DENND2B: variants seen among roughly 807,000 people sequenced by gnomAD.
DENND2B encodes DENN domain-containing protein 2B.
In DENND2B, 32 loss-of-function variants were observed where a neutral mutation model predicts 116.0. That is an observed-to-expected ratio of 0.28 (90% CI 0.21 to 0.37). The LOEUF (loss-of-function observed/expected upper bound fraction) is 0.37, where lower values mean the gene tolerates loss of function less well. DENND2B is among the 10% of genes least tolerant of loss of function. The pLI is 1.00. For synonymous variants in DENND2B, 588 were observed against 583.9 expected (o/e 1.01, Z -0.10); for missense variants, 1,276 against 1,477.7 (o/e 0.86, Z 2.24).
chr11:8,746,160 T>C (rs1208273786), intron 2 of DENND2B, among the ~76,000 whole-genome samples: 3 of 152,200 alleles, frequency 2.0e-5, no homozygotes, highest in African/African-American at 7.2e-5. Flanking sequence ...TGCAGCACTA[T>C]CTTTTACCCA....
chr11:8,906,268 C>T (rs1393224065), intron 1 of DENND2B, among the ~76,000 whole-genome samples: 1 of 142,518 alleles, frequency 7.0e-6, no homozygotes, highest in East Asian at 2.1e-4. Flanking sequence ...TGCAGTGGCG[C>T]GACCTTGGCT....
chr11:8,906,205 CTTTT>C (rs34217164), intron 1 of DENND2B, among the ~76,000 whole-genome samples: 1 of 93,298 alleles, frequency 1.1e-5, no homozygotes, highest in Non-Finnish European at 2.3e-5. Flanking sequence ...TCTTTTTTTT[CTTTT>C]TTTTTTTTTT....
At chr11:8,772,594 TGAGTGTGA>T (rs2057078652) in intron 1 of DENND2B, among the ~76,000 whole-genome samples, 1 of 151,466 alleles carries the variant, frequency 6.6e-6, no homozygotes, top group Non-Finnish European at 1.5e-5. Context: ...AATAGTAGAG[TGAGTGTGA>T]GAGTGTGGGT....
chr11:8,741,627 G>A (rs1372966351), intron 2 of DENND2B, among the ~76,000 whole-genome samples: 1 of 152,140 alleles, frequency 6.6e-6, no homozygotes, highest in African/African-American at 2.4e-5. Context: ...TCTGGGCTCT[G>A]TTACTGCTTG....
At chr11:8,713,895 A>G (rs1281094136) in intron 8 of DENND2B, 103 bp downstream of exon 8, 2 of 1,280,418 alleles carry the variant, frequency 1.6e-6, no homozygotes, top group Non-Finnish European at 2.3e-6. Flanking sequence ...TCTCCACATC[A>G]GGCCGGTTAG....
chr11:8,819,935 G>T (rs1303484790), intron 4 of DENND2B, among the ~76,000 whole-genome samples: 1 of 152,200 alleles, frequency 6.6e-6, no homozygotes, highest in Non-Finnish European at 1.5e-5. Flanking sequence ...AAGATTAGGA[G>T]AATTTGTACT....
chr11:8,878,832 G>A (rs1270677118), intron 2 of DENND2B, among the ~76,000 whole-genome samples: 1 of 152,222 alleles, frequency 6.6e-6, no homozygotes, highest in Non-Finnish European at 1.5e-5. Flanking sequence ...CATATTGTAT[G>A]ATTCCATCAA....
chr11:8,836,946 G>T (rs2062452719), intron 4 of DENND2B, among the ~76,000 whole-genome samples: 1 of 152,344 alleles, frequency 6.6e-6, no homozygotes, highest in East Asian at 1.9e-4. Context: ...GAACTCCTGG[G>T]ATCAAGTGAT....
intron 2 of DENND2B, among the ~76,000 whole-genome samples, chr11:8,744,194 C>T (rs1485602827): frequency 1.4e-5 from 2 of 147,910 alleles, no homozygotes; most frequent in Non-Finnish European, 3.0e-5. Flanking sequence ...AGTGCAATGG[C>T]GTGATCTCGG....
At chr11:8,742,793 G>A (rs756742981) in intron 2 of DENND2B, among the ~76,000 whole-genome samples, 16 of 151,406 alleles carry the variant, frequency 1.1e-4, no homozygotes, top group Non-Finnish European at 1.9e-4. Context: ...GGCTGGGCAC[G>A]GTGGCTCACG....
At chr11:8,838,379 T>C (rs2062508335) in intron 4 of DENND2B, among the ~76,000 whole-genome samples, 1 of 152,168 alleles carries the variant, frequency 6.6e-6, no homozygotes, top group African/African-American at 2.4e-5. Context: ...GGGATTAGAA[T>C]CCAATTCTCC....
At chr11:8,759,904 C>T (rs1403141837) in intron 1 of DENND2B, among the ~76,000 whole-genome samples, 1 of 152,192 alleles carries the variant, frequency 6.6e-6, no homozygotes, top group African/African-American at 2.4e-5. Flanking sequence ...TTCTAAGGAG[C>T]TTAACAAATG....
chr11:8,901,229 C>CTTTTCTTTTCTTTTTTTTTTTTTTTTT (rs781408078), intron 1 of DENND2B, among the ~76,000 whole-genome samples: 2 of 83,918 alleles, frequency 2.4e-5, no homozygotes, highest in Non-Finnish European at 4.4e-5. Flanking sequence ...CTTTTCTTTT[C>CTTTTCTTTTCTTTTTTTTTTTTTTTTT]TTTTTTTTTT....
At chr11:8,891,037 G>C (rs754158978) in intron 1 of DENND2B, among the ~76,000 whole-genome samples, 3 of 152,214 alleles carry the variant, frequency 2.0e-5, no homozygotes, top group Non-Finnish European at 4.4e-5. Context: ...ACTAACAGTG[G>C]ATCTCTTGGT....
chr11:8,761,413 TCTTTCGCTCTGG>T (rs1158224088), intron 1 of DENND2B, among the ~76,000 whole-genome samples: 1 of 152,180 alleles, frequency 6.6e-6, no homozygotes. Flanking sequence ...ACCACTGCCC[TCTTTCGCTCTGG>T]CAAGGAGAAC....
intron 14 of DENND2B, chr11:8,700,054 G>T (rs1327490150): frequency 2.3e-6 from 1 of 433,888 alleles, no homozygotes; most frequent in Admixed American, 2.5e-5. Context: ...CAGCCCCACG[G>T]GAGCTGGCCT....
At position 8,712,816 on chromosome 11, in the gene DENND2B, G is replaced by C; in HGVS notation, c.1988-81C>G. The C allele has an allele frequency of 7.0e-7, 1 of 1,427,000 alleles. No homozygotes were observed. The highest frequency in any genetic ancestry group is 2.3e-5 in the East Asian group (1 of 42,586). The allele number at this position is 1,427,000 out of a possible 1,614,324, so 88.4% of individuals were successfully genotyped here. A position where few individuals can be genotyped will look rare whatever the true frequency, so the allele number is the denominator to read the frequency against. On this transcript the variant is annotated intron_variant, in intron 8 of 19. Coordinates refer to ENST00000313726, the MANE Select transcript of DENND2B (RefSeq NM_213618.2). The surrounding 1 kb of genome is among the most constrained non-coding windows in gnomAD (Gnocchi z 4.4). ...TCTACCCCTGGCTCAGGGCTCCATT[G>C]CTGTGGAGCACTTTTAAGTACGTGA...
chr11:8,708,152 C>T, intron 11 of DENND2B: 1 of 1,323,376 alleles, frequency 7.6e-7, no homozygotes, highest in Non-Finnish European at 9.7e-7. Context: ...AAGGGCAAAG[C>T]AGTTTGGCAG....
intron 2 of DENND2B, among the ~76,000 whole-genome samples, chr11:8,742,999 G>A (rs1331281934): frequency 6.6e-6 from 1 of 152,112 alleles, no homozygotes. Flanking sequence ...GGGAGGCGGA[G>A]GTTGCAGTGA....
Sources: allele counts gnomAD v4.1 joint callset (sites outside exome capture counted in the v4.1 genomes callset), GRCh38; gene constraint gnomAD v4.1.1; non-coding constraint Gnocchi (gnomAD v3.1); transcripts MANE v1.5; gene names NCBI Gene and HGNC (gene_info 2026-07-23, HGNC 2026-07-21).